SPTBN2: variants seen among roughly 807,000 people sequenced by gnomAD.
SPTBN2 encodes the protein spectrin beta chain, non-erythrocytic 2.
SPTBN2 carries 107 observed loss-of-function variants against 284.2 expected under a neutral mutation model. That is an observed-to-expected ratio of 0.38 (90% CI 0.32 to 0.44). The LOEUF (loss-of-function observed/expected upper bound fraction) is 0.44. SPTBN2 is among the 20% of genes least tolerant of loss of function. The probability of loss-of-function intolerance (pLI) is 1.00; values close to 1 mark genes in which losing one functional copy is unlikely to be tolerated. For synonymous variants in SPTBN2, 1,289 were observed against 1,354.8 expected, an observed-to-expected ratio of 0.95 and a Z score of 1.07; for missense variants, 2,569 against 3,287.1, an observed-to-expected ratio of 0.78 and a Z score of 5.34.
At chr11:66,723,737 G>A (rs960166847) in intron 1 of SPTBN2, among the ~76,000 whole-genome samples, 5 of 152,080 alleles carry the variant, frequency 3.3e-5, no homozygotes, top group African/African-American at 9.7e-5. Flanking sequence ...GATTTGTTCT[G>A]TAAATATTTA....
At chr11:66,741,450 C>G (rs1942895170) in intron 1 of SPTBN2, among the ~76,000 whole-genome samples, 1 of 152,128 alleles carries the variant, frequency 6.6e-6, no homozygotes, top group Non-Finnish European at 1.5e-5. Context: ...TATAAATTAC[C>G]CAGTGTCGGG....
At position 66,707,736 on chromosome 11, in the gene SPTBN2, C is replaced by T. The variant is rs753398112; in HGVS notation, c.1433G>A (p.Ser478Asn). Reference protein sequence around the residue: ...EAIETDIVAYSGRVQAVDAVA... With the variant: ...EAIETDIVAYNGRVQAVDAVA... ...GGCGTCCACTGCCTGCACCCGGCCG[C>T]TGTAGGCCACGATGTCCGTCTCAAT... Residue 478 changes from serine (S) to asparagine (N), a missense_variant, in exon 13 of 38, where the codon AGC (serine) becomes AAC (asparagine). Coordinates refer to ENST00000533211, the MANE Select transcript of SPTBN2 (RefSeq NM_006946.4). This position sits in a 1 kb window ranked among gnomAD's most constrained non-coding sequence, Gnocchi z 4.9. The T allele has an allele frequency of 6.2e-7, 1 of 1,606,476 alleles. No individual in the cohort carries two copies. Among genetic ancestry groups the T allele is most frequent in the Non-Finnish European group, 8.5e-7 (1 of 1,178,494 alleles).
chr11:66,694,344 G>C lies in SPTBN2; in HGVS notation c.4298C>G (p.Ala1433Gly), dbSNP rs1391427141. 6.2e-7 allele frequency: 1 copy of C among 1,614,062 alleles called. No individual in the cohort carries two copies. Among genetic ancestry groups the C allele is most frequent in the Non-Finnish European group, 8.5e-7 (1 of 1,179,976 alleles). Residue 1433 changes from alanine (A) to glycine (G), a missense_variant, in exon 22 of 38, where the codon GCT (alanine) becomes GGT (glycine). Around this residue, in one of 6 missense-constraint regions of SPTBN2, gnomAD observed 49 missense variants for 92.6 expected, o/e 0.53. Coordinates refer to ENST00000533211, the MANE Select transcript of SPTBN2 (RefSeq NM_006946.4). ...KKQQMLEWEM[A>G]VREKEVEAIQ... Reference sequence around the variant, plus strand: ...TGCCTCCACCTCCTTCTCTCTCACAGCCATCTCCCATTCCAGCATCTGCAA... The same window carrying C: ...TGCCTCCACCTCCTTCTCTCTCACACCCATCTCCCATTCCAGCATCTGCAA...
Position 66,729,139 on chromosome 11 carries a change from G to A in SPTBN2, c.-512C>T, listed in dbSNP as rs1942748126. ...ACACGGCTGGGTTTCTCCTTGGTTT[G>A]TTAGCGTCTGAGTGGTCTAAGGTCC... On this transcript the variant is annotated 5_prime_UTR_variant, in exon 1 of 38. Transcript: ENST00000533211. The A allele has an allele frequency of 6.6e-6, 1 of 152,452 alleles. No homozygotes were observed. Among genetic ancestry groups the A allele is most frequent in the Admixed American group, 6.5e-5 (1 of 15,274 alleles). The allele number at this position is 152,452 out of a possible 1,614,324, so 9.4% of individuals were successfully genotyped here.
chr11:66,725,937 A>C (rs1454362182), intron 1 of SPTBN2, among the ~76,000 whole-genome samples: 1 of 152,218 alleles, frequency 6.6e-6, no homozygotes, highest in East Asian at 1.9e-4. Context: ...TCCCTCCCTC[A>C]GAGTTGATCA....
Position 66,705,223 on chromosome 11 carries a change from C to T in SPTBN2, c.2053G>A (p.Ala685Thr), listed in dbSNP as rs1455603526. 1 of 1,552,512 alleles carries T rather than the reference C, an allele frequency of 6.4e-7. No homozygotes were observed. The highest frequency in any genetic ancestry group is 2.4e-5 in the East Asian group (1 of 41,564). The change falls in exon 15 of 38, where the codon GCC becomes ACC. Residue 685 changes from alanine to threonine, a missense_variant. Ala to Thr is a moderately conservative substitution (Grantham distance 58). Around this residue, in one of 6 missense-constraint regions of SPTBN2, gnomAD observed 1,012 missense variants for 1,248.9 expected, o/e 0.81. Coordinates refer to ENST00000533211, the MANE Select transcript of SPTBN2 (RefSeq NM_006946.4). ...GALRLLNKHT[A>T]LRGEMSGRLG... ...CGGCCGCTCATCTCGCCCCGCAGGGCTGTGTGCTTGTTGAGCAGGCGGAGG... is the reference window on the plus strand; with the variant it reads ...CGGCCGCTCATCTCGCCCCGCAGGGTTGTGTGCTTGTTGAGCAGGCGGAGG...
At chr11:66,703,148 T>A (rs1590942290) in intron 15 of SPTBN2, among the ~76,000 whole-genome samples, 1 of 151,740 alleles carries the variant, frequency 6.6e-6, no homozygotes, top group East Asian at 2.0e-4. Flanking sequence ...TGGCACGATC[T>A]CAGCTCACTG....
At chr11:66,711,735 G>A (rs972313993) in intron 8 of SPTBN2, among the ~76,000 whole-genome samples, 1 of 152,192 alleles carries the variant, frequency 6.6e-6, no homozygotes, top group Non-Finnish European at 1.5e-5. Context: ...AAATACATGG[G>A]CAGGCAGGAG....
intron 3 of SPTBN2, among the ~76,000 whole-genome samples, chr11:66,716,205 T>G (rs926823463): frequency 6.6e-6 from 1 of 151,998 alleles, no homozygotes; most frequent in South Asian, 2.1e-4. Flanking sequence ...AGGCGAAGGT[T>G]GGGTGTGGTG....
In SPTBN2 at chr11:66,701,705, G is replaced by A; in HGVS notation, c.2695C>T (p.Pro899Ser). ...TGTGCTGCAAGGGTGTTCATTTCAG[G>A]CTCCAGGGTCTCGAACCTGAGAGGG... ...VVQQRFETLEPEMNTLAAQIT... is the reference protein window; with the variant it reads ...VVQQRFETLESEMNTLAAQIT... The change falls in exon 16 of 38, where the codon CCT (proline) becomes TCT (serine). Residue 899 changes from proline to serine, a missense_variant. Transcript: ENST00000533211. 6.2e-7 allele frequency: 1 copy of A among 1,614,028 alleles called. No homozygotes were observed. The highest frequency in any genetic ancestry group is 8.5e-7 in the Non-Finnish European group (1 of 1,180,016).
chr11:66,705,270 G>A lies in SPTBN2; in HGVS notation c.2006C>T (p.Thr669Met), dbSNP rs775522542. 27 of 1,592,532 alleles carry A rather than the reference G, an allele frequency of 1.7e-5. No homozygotes were observed. The highest frequency in any genetic ancestry group is 3.3e-4 in the Middle Eastern group (2 of 6,058). ...GAGGGCACCGGTCAGGTCTCGGCCC[G>A]TGTCGGCTGAGGCCAGGAGGTGCTG... ...EQQHLLASAD[T>M]GRDLTGALRL... Residue 669 changes from threonine (T) to methionine (M), a missense_variant, in exon 15 of 38, where the codon ACG becomes ATG. Physicochemically the swap from Thr to Met is moderately conservative, Grantham distance 81. Coordinates refer to ENST00000533211, the MANE Select transcript of SPTBN2 (RefSeq NM_006946.4).
At chr11:66,692,354 G>A (rs1278304201) in intron 26 of SPTBN2, among the ~76,000 whole-genome samples, 182 bp downstream of exon 26, 2 of 152,170 alleles carry the variant, frequency 1.3e-5, no homozygotes, top group Non-Finnish European at 2.9e-5. Context: ...TAGGATTACA[G>A]GTGTGAGCCT....
In SPTBN2 at chr11:66,684,222, C is replaced by G. The variant is rs1939964329; in HGVS notation, c.*1649G>C. ...AACACGCTTTTCCTGTTGGAGGCCA[C>G]CAAGGAGTGCCCACTTCCATCAACA... On this transcript the variant is annotated 3_prime_UTR_variant, in exon 38 of 38. Transcript: ENST00000533211. 1.3e-5 allele frequency among the ~76,000 whole-genome samples: 2 copies of G among 152,182 alleles called. No homozygotes were observed. Among genetic ancestry groups the G allele is most frequent in the African/African-American group, 4.8e-5 (2 of 41,438 alleles).
intron 3 of SPTBN2, 109 bp from the exon 4 acceptor site, chr11:66,716,090 G>T: frequency 6.9e-7 from 1 of 1,447,080 alleles, no homozygotes; most frequent in Non-Finnish European, 9.6e-7. Context: ...TGGGAAGCGG[G>T]GTCCTCTAAG....
chr11:66,738,756 T>G (rs1942874830), intron 1 of SPTBN2, among the ~76,000 whole-genome samples: 1 of 152,130 alleles, frequency 6.6e-6, no homozygotes. Context: ...CCTCATTACC[T>G]GCCTGCCTCG....
intron 3 of SPTBN2, among the ~76,000 whole-genome samples, chr11:66,716,185 GAC>G (rs913273201): frequency 3.3e-5 from 5 of 152,010 alleles, no homozygotes; most frequent in Admixed American, 6.6e-5. Flanking sequence ...AAAGATGAAA[GAC>G]AGAAAATAGG....
intron 20 of SPTBN2, among the ~76,000 whole-genome samples, chr11:66,697,868 T>C (rs1941010400): frequency 6.6e-6 from 1 of 152,200 alleles, no homozygotes; most frequent in South Asian, 2.1e-4. Context: ...TTGGATATAG[T>C]AGCACCAAGT....
chr11:66,716,045 G>A (rs898432466), intron 3 of SPTBN2, 64 bp from the exon 4 acceptor site: 1 of 1,608,928 alleles, frequency 6.2e-7, no homozygotes, highest in Non-Finnish European at 8.5e-7. Flanking sequence ...CTAAACACCA[G>A]TTGGCAGGGG....
rs188238552 is a variant in SPTBN2, at chr11:66,702,412, G to A, written c.2679-691C>T. Among the ~76,000 whole-genome samples, 688 of 152,160 alleles carry A rather than the reference G, an allele frequency of 4.5e-3. 5 individuals carry two copies. The highest frequency in any genetic ancestry group is 0.016 in the African/African-American group (647 of 41,534). On this transcript the variant is annotated intron_variant, in intron 15 of 37. Coordinates refer to ENST00000533211, the MANE Select transcript of SPTBN2 (RefSeq NM_006946.4). ...GAACTCCTGACCTCATGCTCCACCC[G>A]CCTTGGCCTCCCAAAGTGCTGGGAT...
Sources: gnomAD v4.1 joint callset for allele counts (sites outside exome capture counted in the v4.1 genomes callset) on GRCh38, gnomAD v4.1.1 for gene constraint, gnomAD v4.1.1 regional missense constraint, Gnocchi (gnomAD v3.1) non-coding constraint, MANE v1.5 for transcripts, NCBI Gene and HGNC (gene_info 2026-07-23, HGNC 2026-07-21) for gene names.